RPS12: variants seen among roughly 807,000 people sequenced by gnomAD.
RPS12 encodes the protein ribosomal protein S12.
Under a neutral mutation model 17.2 loss-of-function variants are expected in RPS12, and 1 was observed. The observed-to-expected ratio is 0.06, with a 90% CI of 0.02 to 0.28. The LOEUF (loss-of-function observed/expected upper bound fraction) is 0.28, where lower values mean the gene tolerates loss of function less well. Among genes scored for constraint, RPS12 ranks in the 10% least tolerant of loss-of-function variants. The pLI, the probability that RPS12 is intolerant of heterozygous loss-of-function variation, is 1.00. For synonymous variants in RPS12, 67 were observed against 54.0 expected, an observed-to-expected ratio of 1.24 and a Z score of -1.06; for missense variants, 146 against 162.1, an observed-to-expected ratio of 0.90 and a Z score of 0.54.
chr6:132,816,758 GGTATA>G (rs759156862), intron 4 of RPS12, 195 bp downstream of exon 4: 34 of 767,316 alleles, frequency 4.4e-5, no homozygotes, highest in Non-Finnish European at 5.7e-5. Flanking sequence ...TTTTGACGTT[GGTATA>G]CAACAAAGAT....
chr6:132,817,226 C>T (rs1174698773), intron 5 of RPS12, 165 bp downstream of exon 5: 1 of 768,208 alleles, frequency 1.3e-6, no homozygotes, highest in Non-Finnish European at 2.3e-6. Context: ...TACAAGCCAG[C>T]CAATGAATCT....
intron 3 of RPS12, among the ~76,000 whole-genome samples, 153 bp from the exon 4 acceptor site, chr6:132,816,308 C>G (rs551353943): frequency 2.0e-5 from 3 of 152,304 alleles, no homozygotes; most frequent in East Asian, 1.9e-4. Flanking sequence ...GCAGGTTCTT[C>G]AGACTCAAGC....
Position 132,814,755 on chromosome 6 carries a change from C to T in RPS12, c.-14C>T, listed in dbSNP as rs749403693. The T allele has an allele frequency of 1.5e-5, 25 of 1,613,514 alleles. No homozygotes were observed. Among genetic ancestry groups the T allele is most frequent in the Non-Finnish European group, 2.0e-5 (24 of 1,179,546 alleles). ...AGTGCGTTCAAGATTCAACTTCACC[C>T]GTAACCCACCGCCATGGCCGAGGAA... is the stretch of plus-strand genomic sequence containing the variant. On this transcript the variant is annotated 5_prime_UTR_variant, in exon 2 of 6. Coordinates refer to ENST00000230050, the MANE Select transcript of RPS12 (RefSeq NM_001016.4).
intron 5 of RPS12, 182 bp from the exon 6 acceptor site, chr6:132,817,297 AC>A (rs1460876510): frequency 2.7e-5 from 21 of 774,028 alleles, no homozygotes; most frequent in Middle Eastern, 2.2e-4. Context: ...AAGCCATGTT[AC>A]GAGCCTTAAG....
chr6:132,815,366 A>G (rs747071334), intron 3 of RPS12: 1 of 609,972 alleles, frequency 1.6e-6, no homozygotes, highest in Admixed American at 1.8e-5. Context: ...GTGAAACATA[A>G]GAGTCTGACA....
Position 132,817,470 on chromosome 6 carries a change from T to G in RPS12, c.337-10T>G. The stretch of plus-strand genomic sequence containing the variant: ...ACAAGAAATTGCATGCGTGTTTTGT[T>G]TTTTTTAAGGACTATGGCAAGGAGT... On this transcript the variant is annotated splice_polypyrimidine_tract_variant and intron_variant, in intron 5 of 5. Transcript: ENST00000230050. 6.3e-7 allele frequency: 1 copy of G among 1,588,070 alleles called. No individual in the cohort carries two copies. The highest frequency in any genetic ancestry group is 2.2e-5 in the East Asian group (1 of 44,770).
chr6:132,814,569 C>T lies in RPS12; in HGVS notation c.-82C>T, dbSNP rs145134922. 110 of 727,212 alleles carry T rather than the reference C, an allele frequency of 1.5e-4. 1 individual carries two copies. The highest frequency in any genetic ancestry group is 9.4e-4 in the Admixed American group (47 of 49,838). The allele number at this position is 727,212 out of a possible 1,614,324, so 45.0% of individuals were successfully genotyped here. ...ATACCGGCATGCGTGCGGATGAGGCCTCTTTCCCTGCCGCCGCCGAGTCGC... is the reference window on the plus strand; with the variant it reads ...ATACCGGCATGCGTGCGGATGAGGCTTCTTTCCCTGCCGCCGCCGAGTCGC... On this transcript the variant is annotated 5_prime_UTR_variant, in exon 1 of 6. Coordinates refer to ENST00000230050, the MANE Select transcript of RPS12 (RefSeq NM_001016.4).
intron 1 of RPS12, 26 bp downstream of exon 1, chr6:132,814,639 G>GTGTATTGGT: frequency 9.2e-7 from 1 of 1,088,654 alleles, no homozygotes; most frequent in East Asian, 2.3e-5. Context: ...CGGCAGGGGG[G>GTGTATTGGT]TGTATTGGTT....
intron 3 of RPS12, chr6:132,815,429 A>T: frequency 1.9e-6 from 1 of 517,590 alleles, no homozygotes; most frequent in Non-Finnish European, 3.8e-6. Context: ...CAGATAGATG[A>T]GATGGAGAGC....
chr6:132,815,167 C>G, intron 3 of RPS12, 79 bp downstream of exon 3: 1 of 939,788 alleles, frequency 1.1e-6, no homozygotes, highest in Middle Eastern at 2.1e-4. Context: ...GCATGGAGTT[C>G]ATGGTGTTAG....
chr6:132,816,458 C>T lies in RPS12; in HGVS notation c.132-3C>T, dbSNP rs375980357. ...TCCATTTTCATTGTAATTTGAATTT[C>T]AGGCGCCAAGCCCATCTTTGTGTGC... On this transcript the variant is annotated splice_polypyrimidine_tract_variant and splice_region_variant and intron_variant, in intron 3 of 5. Transcript: ENST00000230050. 1 of 1,604,256 alleles carries T rather than the reference C, an allele frequency of 6.2e-7. No individual in the cohort carries two copies. Among genetic ancestry groups the T allele is most frequent in the Non-Finnish European group, 8.5e-7 (1 of 1,173,828 alleles).
At chr6:132,816,934 T>C (rs1478832135) in intron 4 of RPS12, 26 bp from the exon 5 acceptor site, 1 of 1,446,710 alleles carries the variant, frequency 6.9e-7, no homozygotes, top group South Asian at 1.1e-5. Flanking sequence ...TGTGATTTTT[T>C]TTTTTTTTAA....
chr6:132,815,566 ATTTG>A (rs1401304149), intron 3 of RPS12: 13 of 441,364 alleles, frequency 2.9e-5, no homozygotes, highest in African/African-American at 6.1e-5. Context: ...AATTTGGGAT[ATTTG>A]TTAATGTATT....
At chr6:132,816,090 T>A (rs1301613398) in intron 3 of RPS12, 1 of 373,570 alleles carries the variant, frequency 2.7e-6, no homozygotes, top group African/African-American at 2.1e-5. Context: ...CCCCTCGTCT[T>A]CCCAAAGTGC....
intron 3 of RPS12, 37 bp from the exon 4 acceptor site, chr6:132,816,424 A>G (rs1472659213): frequency 2.0e-6 from 3 of 1,481,538 alleles, no homozygotes; most frequent in Non-Finnish European, 2.8e-6. Context: ...TTTGGATCTG[A>G]GTTTTAGCTC....
At position 132,814,578 on chromosome 6, in the gene RPS12, T is replaced by TGCC; in HGVS notation, c.-65_-63dup. ...TGCGTGCGGATGAGGCCTCTTTCCC[T>TGCC]GCCGCCGCCGAGTCGCGCGGAGGCG... On this transcript the variant is annotated 5_prime_UTR_variant, in exon 1 of 6. Transcript: ENST00000230050. 3 of 754,152 alleles carry TGCC rather than the reference T, an allele frequency of 4.0e-6. No homozygotes were observed. Among genetic ancestry groups the TGCC allele is most frequent in the East Asian group, 2.4e-5 (1 of 40,850 alleles). The allele number at this position is 754,152 out of a possible 1,614,324, so 46.7% of individuals were successfully genotyped here. A position where few individuals can be genotyped will look rare whatever the true frequency, so the allele number is the denominator to read the frequency against.
At chr6:132,816,928 A>ATC in intron 4 of RPS12, 32 bp from the exon 5 acceptor site, 1 of 1,224,044 alleles carries the variant, frequency 8.2e-7, no homozygotes, top group Non-Finnish European at 1.2e-6. Context: ...TATTAATGTG[A>ATC]TTTTTTTTTT....
chr6:132,816,116 G>T, intron 3 of RPS12: 1 of 378,998 alleles, frequency 2.6e-6, no homozygotes, highest in Non-Finnish European at 5.1e-6. Context: ...TTACAGGAGT[G>T]AGCCATCGTG....
Position 132,814,586 on chromosome 6 carries a change from C to T in RPS12, c.-65C>T. ...GATGAGGCCTCTTTCCCTGCCGCCGCCGAGTCGCGCGGAGGCGGAGGCTTG... is the reference window on the plus strand; with the variant it reads ...GATGAGGCCTCTTTCCCTGCCGCCGTCGAGTCGCGCGGAGGCGGAGGCTTG... On this transcript the variant is annotated 5_prime_UTR_variant, in exon 1 of 6. Transcript: ENST00000230050. 1.3e-6 allele frequency: 1 copy of T among 781,968 alleles called. No homozygotes were observed. Among genetic ancestry groups the T allele is most frequent in the Non-Finnish European group, 2.2e-6 (1 of 451,844 alleles). 48.4% of individuals were successfully genotyped at this position (781,968 alleles called of 1,614,324 possible). A position where few individuals can be genotyped will look rare whatever the true frequency, so the allele number is the denominator to read the frequency against.
Sources: allele counts gnomAD v4.1 joint callset (sites outside exome capture counted in the v4.1 genomes callset), GRCh38; gene constraint gnomAD v4.1.1; transcripts MANE v1.5; gene names NCBI Gene and HGNC (gene_info 2026-07-23, HGNC 2026-07-21).